The following CALD1 variants were observed in gnomAD, a reference collection of about 807,000 sequenced individuals.
The protein encoded by CALD1 is caldesmon.
Under a neutral mutation model 99.9 loss-of-function variants are expected in CALD1, and 33 were observed. That is an observed-to-expected ratio of 0.33 (90% CI 0.25 to 0.44). CALD1 has a LOEUF of 0.44. Among genes scored for constraint, CALD1 ranks in the 20% least tolerant of loss-of-function variants. The probability of loss-of-function intolerance (pLI) is 1.00; values close to 1 mark genes in which losing one functional copy is unlikely to be tolerated. For missense variants in CALD1, 861 were observed against 962.1 expected (o/e 0.89, Z 1.39); for synonymous variants, 310 against 325.0 (o/e 0.95, Z 0.50).
At chr7:134,936,933 G>T (rs867692808) in intron 6 of CALD1, among the ~76,000 whole-genome samples, 3 of 152,264 alleles carry the variant, frequency 2.0e-5, no homozygotes, top group Middle Eastern at 3.4e-3. Context: ...ATCATTCATT[G>T]AACATGTTGG....
intron 3 of CALD1, among the ~76,000 whole-genome samples, chr7:134,910,402 C>G (rs79299235): frequency 0.023 from 3,482 of 152,306 alleles, 51 homozygotes; most frequent in African/African-American, 0.028. Context: ...CAAACATGCT[C>G]AGTTTACCTA....
At chr7:134,820,595 T>G (rs1366877609) in intron 1 of CALD1, among the ~76,000 whole-genome samples, 1 of 152,226 alleles carries the variant, frequency 6.6e-6, no homozygotes, top group Non-Finnish European at 1.5e-5. Context: ...CTGTCTACAC[T>G]TTACCCACTA....
chr7:134,907,182 T>C (rs1410946132), intron 3 of CALD1, among the ~76,000 whole-genome samples: 1 of 152,124 alleles, frequency 6.6e-6, no homozygotes, highest in African/African-American at 2.4e-5. Flanking sequence ...AGGATAGGAT[T>C]AGTGGGACAG....
chr7:134,894,313 C>G (rs1802411811), intron 3 of CALD1, among the ~76,000 whole-genome samples: 1 of 152,196 alleles, frequency 6.6e-6, no homozygotes, highest in Non-Finnish European at 1.5e-5. Flanking sequence ...TTGAACATAG[C>G]TATCTTCCCT....
intron 3 of CALD1, chr7:134,891,738 A>G (rs1196711094): frequency 9.5e-6 from 8 of 845,258 alleles, no homozygotes; most frequent in Non-Finnish European, 1.2e-5. Flanking sequence ...AAACAAACGA[A>G]TTGTTGTAAA....
chr7:134,946,913 C>G (rs1451394551), intron 7 of CALD1, among the ~76,000 whole-genome samples: 2 of 152,080 alleles, frequency 1.3e-5, no homozygotes, highest in African/African-American at 4.8e-5. Context: ...TCTTAAACTC[C>G]TGAGCTCAGG....
rs181655905 is a variant in CALD1, at chr7:134,952,711, C to T, written c.1935+2197C>T. On this transcript the variant is annotated intron_variant, in intron 9 of 14. Coordinates refer to ENST00000361675, the MANE Select transcript of CALD1 (RefSeq NM_033138.4). ...GTCTCGAACTCCTCACCTCATGATC[C>T]GCCCACCTTGGTCTCCCAAAGTGCT... 2.2e-3 allele frequency among the ~76,000 whole-genome samples: 331 copies of T among 152,166 alleles called. 1 individual carries two copies. The Middle Eastern group carries it at 0.034, about 16-fold the overall frequency.
the CALD1 span, among the ~76,000 whole-genome samples, chr7:134,733,572 G>C: frequency 1.3e-5 from 2 of 152,168 alleles, no homozygotes; most frequent in African/African-American, 4.8e-5. Flanking sequence ...ACTTTGGGAG[G>C]CTGAGGCGGG....
chr7:134,712,934 G>C, the CALD1 span, among the ~76,000 whole-genome samples: 1 of 152,126 alleles, frequency 6.6e-6, no homozygotes, highest in East Asian at 1.9e-4. Flanking sequence ...TTGAACTAAC[G>C]CAATTCCCAT....
In CALD1 at chr7:134,747,454, T is replaced by A. The variant is rs146072884; in HGVS notation, c.-130+3091T>A. Among the ~76,000 whole-genome samples the A allele has an allele frequency of 2.8e-3, 423 of 152,258 alleles. 1 individual carries two copies. Among genetic ancestry groups the A allele is most frequent in the Middle Eastern group, 0.014 (4 of 294 alleles). On this transcript the variant is annotated intron_variant, in intron 1 of 13. Coordinates refer to the CALD1 transcript ENST00000417172. ...TAAGATTCGTGATGCCAAGGAAGGG[T>A]GGACTATGTATTTCTGTAATTTAAT... is the stretch of plus-strand genomic sequence containing the variant.
chr7:134,910,529 G>T (rs1448637792), intron 3 of CALD1, among the ~76,000 whole-genome samples: 1 of 152,152 alleles, frequency 6.6e-6, no homozygotes, highest in Admixed American at 6.5e-5. Context: ...TGGTGCAGGA[G>T]GAGTTATGGA....
chr7:134,735,407 T>C, the CALD1 span, among the ~76,000 whole-genome samples: 1 of 152,126 alleles, frequency 6.6e-6, no homozygotes, highest in East Asian at 1.9e-4. Context: ...ATGGGTGAAA[T>C]ATTGAAGTAA....
At chr7:134,762,105 T>C (rs1226061482) in intron 1 of CALD1, among the ~76,000 whole-genome samples, 1 of 152,222 alleles carries the variant, frequency 6.6e-6, no homozygotes, top group Non-Finnish European at 1.5e-5. Flanking sequence ...CTGATCTTAG[T>C]TGGACTACAG....
chr7:134,956,894 A>C lies in CALD1; in HGVS notation c.1936-1175A>C, dbSNP rs544252355. Among the ~76,000 whole-genome samples, 4 of 152,320 alleles carry C rather than the reference A, an allele frequency of 2.6e-5. No individual in the cohort carries two copies. In the South Asian group the frequency reaches 8.3e-4, roughly 32 times the overall value. On this transcript the variant is annotated intron_variant, in intron 9 of 14. Transcript: ENST00000361675. ...GAGTTGGGTGTGGCATGGATTCAAC[A>C]AATATTTGCTTATTGCTAACATCTA...
chr7:134,793,739 G>C (rs769650970), intron 1 of CALD1, among the ~76,000 whole-genome samples: 2 of 152,022 alleles, frequency 1.3e-5, no homozygotes, highest in Non-Finnish European at 2.9e-5. Flanking sequence ...TGGAGTGGAT[G>C]CTTATTCTAT....
At chr7:134,827,223 A>G (rs1351520440) in intron 1 of CALD1, among the ~76,000 whole-genome samples, 1 of 152,292 alleles carries the variant, frequency 6.6e-6, no homozygotes, top group East Asian at 1.9e-4. Context: ...GTTTTTCTTT[A>G]ACTTGGCCCA....
At chr7:134,966,151 G>T (rs1808666651) in intron 14 of CALD1, among the ~76,000 whole-genome samples, 1 of 152,164 alleles carries the variant, frequency 6.6e-6, no homozygotes, top group Non-Finnish European at 1.5e-5. Flanking sequence ...GGTTAGAACA[G>T]GCTGCTTATG....
the CALD1 span, among the ~76,000 whole-genome samples, chr7:134,722,530 C>T: frequency 1.3e-5 from 2 of 152,128 alleles, no homozygotes; most frequent in Non-Finnish European, 2.9e-5. Context: ...AAGCGATTCT[C>T]CTGCCTCAGC....
intron 2 of CALD1, among the ~76,000 whole-genome samples, chr7:134,855,106 G>A (rs741689): frequency 0.17 from 26,597 of 152,170 alleles, 3,379 homozygotes; most frequent in African/African-American, 0.36. Flanking sequence ...GCAGAATCAT[G>A]ATCCAATTAA....
Sources: allele counts gnomAD v4.1 joint callset (sites outside exome capture counted in the v4.1 genomes callset), GRCh38; gene constraint gnomAD v4.1.1; transcripts MANE v1.5; gene names NCBI Gene and HGNC (gene_info 2026-07-23, HGNC 2026-07-21).